The following VEGFA variants were observed in gnomAD, a reference collection of about 807,000 sequenced individuals.
The protein encoded by VEGFA is vascular endothelial growth factor A, long form.
Under a neutral mutation model 49.7 loss-of-function variants are expected in VEGFA, and 20 were observed. That is an observed-to-expected ratio of 0.40 (90% CI 0.28 to 0.58). VEGFA has a LOEUF of 0.58. Among genes scored for constraint, VEGFA ranks in the 20% least tolerant of loss-of-function variants. VEGFA has a pLI of 0.40. For synonymous variants in VEGFA, 219 were observed against 223.4 expected, an observed-to-expected ratio of 0.98 and a Z score of 0.18; for missense variants, 505 against 553.5, an observed-to-expected ratio of 0.91 and a Z score of 0.88.
chr6:43,776,839 T>C (rs1209937117), intron 2 of VEGFA: 1 of 166,806 alleles, frequency 6.0e-6, no homozygotes, highest in Non-Finnish European at 1.3e-5. Context: ...ACTCCTTTAC[T>C]TACTAGCTGT....
chr6:43,781,887 A>G (rs574074749), intron 6 of VEGFA, 69 bp from the exon 7 acceptor site: 6 of 1,597,572 alleles, frequency 3.8e-6, no homozygotes, highest in South Asian at 2.2e-5. Flanking sequence ...GGGGTGTTGC[A>G]TGGTGATTTT....
chr6:43,778,191 C>G, intron 3 of VEGFA: 1 of 564,512 alleles, frequency 1.8e-6, no homozygotes, highest in East Asian at 3.1e-5. Flanking sequence ...GTGGTAAGAA[C>G]CTAGGATTTG....
chr6:43,770,903 G>C lies in VEGFA; in HGVS notation c.197G>C (p.Gly66Ala). The C allele has an allele frequency of 6.5e-7, 1 of 1,544,964 alleles. No homozygotes were observed. The highest frequency in any genetic ancestry group is 8.7e-7 in the Non-Finnish European group (1 of 1,145,582). Reference sequence around the variant, plus strand: ...CTTCTGGGCTGTTCTCGCTTCGGAGGAGCCGTGGTCCGCGCGGGGGAAGCC... The same window carrying C: ...CTTCTGGGCTGTTCTCGCTTCGGAGCAGCCGTGGTCCGCGCGGGGGAAGCC... Residue 66 changes from glycine (G) to alanine (A), a missense_variant, in exon 1 of 8, where the codon GGA (glycine) becomes GCA (alanine). By Grantham distance (60) the Gly-to-Ala change is moderately conservative (BLOSUM62 0). Around this residue, in one of 2 missense-constraint regions of VEGFA, gnomAD observed 340 missense variants for 321.8 expected, o/e 1.06. Coordinates refer to ENST00000672860, the MANE Select transcript of VEGFA (RefSeq NM_003376.6).
Position 43,784,568 on chromosome 6 carries a change from G to C in VEGFA, c.*6G>C. 6.2e-7 allele frequency: 1 copy of C among 1,614,216 alleles called. No individual in the cohort carries two copies. On this transcript the variant is annotated 3_prime_UTR_variant, in exon 8 of 8. Coordinates refer to ENST00000672860, the MANE Select transcript of VEGFA (RefSeq NM_003376.6). ...GTGACAAGCCGAGGCGGTGAGCCGG[G>C]CAGGAGGAAGGAGCCTCCCTCAGGG...
intron 1 of VEGFA, among the ~76,000 whole-genome samples, chr6:43,772,332 C>T (rs1259345005): frequency 1.3e-5 from 2 of 152,232 alleles, no homozygotes; most frequent in Non-Finnish European, 2.9e-5. Flanking sequence ...TGATCACTGT[C>T]AGAAGTCGTG....
At position 43,777,923 on chromosome 6, in the gene VEGFA, G is replaced by C; in HGVS notation, c.855+258G>C. The C allele has an allele frequency of 7.2e-6, 4 of 555,518 alleles. No homozygotes were observed. The highest frequency in any genetic ancestry group is 1.3e-5 in the Non-Finnish European group (4 of 309,810). The allele number at this position is 555,518 out of a possible 1,614,324, so 34.4% of individuals were successfully genotyped here. Reference sequence around the variant, plus strand: ...CTCAGGAGGGGACAGATGGATGCCTGTGTCAGGAGCCCCTCTCTCCCTCTC... The same window carrying C: ...CTCAGGAGGGGACAGATGGATGCCTCTGTCAGGAGCCCCTCTCTCCCTCTC... On this transcript the variant is annotated intron_variant, in intron 3 of 7. Transcript: ENST00000672860. This position sits in a 1 kb window ranked among gnomAD's most constrained non-coding sequence, Gnocchi z 4.3.
intron 3 of VEGFA, 151 bp from the exon 4 acceptor site, chr6:43,778,309 C>A: frequency 1.4e-6 from 1 of 730,922 alleles, no homozygotes; most frequent in Non-Finnish European, 2.5e-6. Context: ...GAGCCTCTTT[C>A]CTGCTAGAGC....
Position 43,777,943 on chromosome 6 carries a change from C to G in VEGFA, c.855+278C>G. The G allele has an allele frequency of 1.9e-6, 1 of 530,794 alleles. No individual in the cohort carries two copies. Among genetic ancestry groups the G allele is most frequent in the African/African-American group, 1.9e-5 (1 of 52,644 alleles). 32.9% of individuals were successfully genotyped at this position (530,794 alleles called of 1,614,324 possible). On this transcript the variant is annotated intron_variant, in intron 3 of 7. Transcript: ENST00000672860. This position sits in a 1 kb window ranked among gnomAD's most constrained non-coding sequence, Gnocchi z 4.3. Reference sequence around the variant, plus strand: ...TGCCTGTGTCAGGAGCCCCTCTCTCCCTCTCTTGGAGAGAGTCCTGAGTGC... The same window carrying G: ...TGCCTGTGTCAGGAGCCCCTCTCTCGCTCTCTTGGAGAGAGTCCTGAGTGC...
At chr6:43,779,967 CT>C in intron 5 of VEGFA, 1 of 289,568 alleles carries the variant, frequency 3.5e-6, no homozygotes, top group Middle Eastern at 5.7e-4. Flanking sequence ...GGAAGAGTGT[CT>C]GGTGAGATGG....
At chr6:43,780,950 C>T (rs1212321236) in intron 6 of VEGFA, 147 bp downstream of exon 6, 1 of 1,592,746 alleles carries the variant, frequency 6.3e-7, no homozygotes, top group African/African-American at 1.3e-5. Flanking sequence ...CTCTCACTCT[C>T]TCACTCCACT....
In VEGFA at chr6:43,784,487, G is replaced by A. The variant is rs715843; in HGVS notation, c.1167-54G>A. On this transcript the variant is annotated intron_variant, in intron 7 of 7. Transcript: ENST00000672860. ...GAATGGGGAGGCCGCCTGCCTCATCGCCAGGCCTCCTCACTTGGCCCTAAC... is the reference window on the plus strand; with the variant it reads ...GAATGGGGAGGCCGCCTGCCTCATCACCAGGCCTCCTCACTTGGCCCTAAC... 1.5e-3 allele frequency: 2,384 copies of A among 1,596,672 alleles called. 29 individuals are homozygous for A. In the African/African-American group the frequency reaches 0.027, roughly 18 times the overall value.
chr6:43,781,882 G>GT (rs1767912635), intron 6 of VEGFA, 74 bp from the exon 7 acceptor site: 2 of 1,592,414 alleles, frequency 1.3e-6, no homozygotes, highest in Non-Finnish European at 1.7e-6. Flanking sequence ...GTTAGGGGGT[G>GT]TTGCATGGTG....
intron 5 of VEGFA, chr6:43,779,356 G>T (rs1188721315): frequency 5.6e-6 from 2 of 353,990 alleles, no homozygotes; most frequent in East Asian, 1.3e-4. Flanking sequence ...GAGGCCGGCT[G>T]GAGGGTGGTT....
intron 7 of VEGFA, chr6:43,783,029 T>C (rs1468570661): frequency 6.6e-6 from 1 of 152,218 alleles, no homozygotes; most frequent in Non-Finnish European, 1.5e-5. Context: ...CGGGCATCTG[T>C]ACCTCTTTCC....
intron 5 of VEGFA, 163 bp downstream of exon 5, chr6:43,779,081 A>G (rs1317250830): frequency 4.6e-6 from 4 of 864,136 alleles, no homozygotes; most frequent in Non-Finnish European, 7.8e-6. Flanking sequence ...AGCCAACTCC[A>G]GGATGATGGC....
chr6:43,771,893 C>A, intron 1 of VEGFA: 1 of 421,718 alleles, frequency 2.4e-6, no homozygotes, highest in Non-Finnish European at 3.2e-6. Flanking sequence ...CCACCTGCGC[C>A]GCGCCAACCC....
intron 7 of VEGFA, chr6:43,782,596 C>G (rs915712663): frequency 8.6e-6 from 2 of 233,866 alleles, no homozygotes; most frequent in African/African-American, 4.5e-5. Context: ...AATTGAGTCT[C>G]CCACTTCAGA....
Position 43,785,400 on chromosome 6 carries a change from A to C in VEGFA, c.*838A>C, listed in dbSNP as rs114607160. 6.2e-3 allele frequency: 1,369 copies of C among 219,348 alleles called. 21 individuals carry two copies. The highest frequency in any genetic ancestry group is 0.028 in the African/African-American group (1,268 of 44,512). 13.6% of individuals were successfully genotyped at this position (219,348 alleles called of 1,614,324 possible). A position where few individuals can be genotyped will look rare whatever the true frequency, so the allele number is the denominator to read the frequency against. On this transcript the variant is annotated 3_prime_UTR_variant, in exon 8 of 8. Transcript: ENST00000672860. Reference sequence around the variant, plus strand: ...CATGCTGCACGCGCATCTCGCCCCCAGGGGCACTGCCTGGAAGATTCAGGA... The same window carrying C: ...CATGCTGCACGCGCATCTCGCCCCCCGGGGCACTGCCTGGAAGATTCAGGA...
intron 2 of VEGFA, chr6:43,775,280 T>G (rs981105083): frequency 6.6e-6 from 1 of 152,260 alleles, no homozygotes; most frequent in Admixed American, 6.5e-5. Flanking sequence ...CACTTACCCC[T>G]TCCAGCTTCC....
Sources: allele counts gnomAD v4.1 joint callset (sites outside exome capture counted in the v4.1 genomes callset), GRCh38; gene constraint gnomAD v4.1.1; regional missense constraint gnomAD v4.1.1; non-coding constraint Gnocchi (gnomAD v3.1); transcripts MANE v1.5; gene names NCBI Gene and HGNC (gene_info 2026-07-23, HGNC 2026-07-21).